Variants in PCSK5 observed in about 807,000 individuals in gnomAD.
The protein encoded by PCSK5 is prohormone convertase 5.
PCSK5 carries 129 observed loss-of-function variants against 233.2 expected under a neutral mutation model. The ratio of observed to expected loss-of-function variants is 0.55; its 90% CI spans 0.48 to 0.64. The LOEUF (loss-of-function observed/expected upper bound fraction) is 0.64. PCSK5 is among the 30% of genes least tolerant of loss of function. The pLI, the probability that PCSK5 is intolerant of heterozygous loss-of-function variation, is 0.00. For missense variants in PCSK5, 2,076 were observed against 2,430.1 expected, an observed-to-expected ratio of 0.85 and a Z score of 3.06; for synonymous variants, 825 against 879.2, an observed-to-expected ratio of 0.94 and a Z score of 1.09.
intron 9 of PCSK5, 22 bp downstream of exon 9, chr9:76,107,373 T>A (rs763981855): frequency 1.3e-6 from 2 of 1,509,778 alleles, no homozygotes; most frequent in Non-Finnish European, 1.8e-6. Flanking sequence ...TCTCTATATG[T>A]CTTCAATGGT....
rs1587511543 is a variant in PCSK5, at chr9:76,023,290, G to T, written c.412-448G>T. ...TGCTTTTCCCACATCTTTCCTTCCTGTCTTCCCTTGTTCATGCTGGAGATC... is the reference window on the plus strand; with the variant it reads ...TGCTTTTCCCACATCTTTCCTTCCTTTCTTCCCTTGTTCATGCTGGAGATC... On this transcript the variant is annotated intron_variant, in intron 3 of 37. Coordinates refer to ENST00000674117, the MANE Select transcript of PCSK5 (RefSeq NM_001372043.1). Among the ~76,000 whole-genome samples the T allele has an allele frequency of 2.0e-5, 3 of 152,078 alleles. No homozygotes were observed. In the South Asian group the frequency reaches 6.2e-4, roughly 32 times the overall value.
intron 2 of PCSK5, among the ~76,000 whole-genome samples, chr9:75,933,937 C>A (rs1823931468): frequency 6.6e-6 from 1 of 152,148 alleles, no homozygotes; most frequent in South Asian, 2.1e-4. Context: ...ATTTGAAAAA[C>A]CAAGTACTAG....
At chr9:76,133,136 G>T (rs1235839141) in intron 9 of PCSK5, among the ~76,000 whole-genome samples, 3 of 152,068 alleles carry the variant, frequency 2.0e-5, no homozygotes, top group African/African-American at 7.2e-5. Context: ...TGCAAATATT[G>T]TTGCTGAAGT....
intron 3 of PCSK5, among the ~76,000 whole-genome samples, chr9:75,998,165 A>G (rs1408111646): frequency 6.6e-6 from 1 of 152,150 alleles, no homozygotes; most frequent in Non-Finnish European, 1.5e-5. Flanking sequence ...CTTTTAGAGA[A>G]CTCATAGAAA....
At chr9:76,351,737 ATT>A (rs71372070) in intron 36 of PCSK5, among the ~76,000 whole-genome samples, 7 of 144,214 alleles carry the variant, frequency 4.9e-5, no homozygotes, top group African/African-American at 7.6e-5. Context: ...GAAACCATGA[ATT>A]TTTTTTTTTT....
At chr9:76,086,716 G>A (rs1382375064) in intron 7 of PCSK5, among the ~76,000 whole-genome samples, 1 of 152,108 alleles carries the variant, frequency 6.6e-6, no homozygotes, top group Non-Finnish European at 1.5e-5. Flanking sequence ...ACTAGTCAGG[G>A]GAAATCAGCA....
chr9:76,046,247 G>A (rs1213304870), intron 5 of PCSK5, among the ~76,000 whole-genome samples: 2 of 119,806 alleles, frequency 1.7e-5, no homozygotes, highest in South Asian at 5.6e-4. Context: ...GTGCAATCCC[G>A]GCTCACTGCA....
chr9:76,238,047 G>A (rs1445805851), intron 22 of PCSK5, among the ~76,000 whole-genome samples: 1 of 152,098 alleles, frequency 6.6e-6, no homozygotes, highest in Non-Finnish European at 1.5e-5. Context: ...CCTAGACCCC[G>A]GTTATTCTGA....
At chr9:76,179,952 G>A (rs893370072) in intron 15 of PCSK5, among the ~76,000 whole-genome samples, 9 of 150,562 alleles carry the variant, frequency 6.0e-5, no homozygotes, top group Non-Finnish European at 1.2e-4. Context: ...CTTCTCTCAC[G>A]TTTGGAGGAC....
chr9:76,269,076 C>T (rs1016257683), intron 24 of PCSK5, among the ~76,000 whole-genome samples: 1 of 152,188 alleles, frequency 6.6e-6, no homozygotes, highest in Non-Finnish European at 1.5e-5. Context: ...GGACTGAGGC[C>T]ACAGGGCATC....
At chr9:76,144,800 A>G (rs1823378112) in intron 10 of PCSK5, among the ~76,000 whole-genome samples, 2 of 152,216 alleles carry the variant, frequency 1.3e-5, no homozygotes, top group Admixed American at 6.5e-5. Flanking sequence ...CTTCATTGGC[A>G]AAATAACTCA....
At chr9:76,015,091 C>T (rs1827893418) in intron 3 of PCSK5, among the ~76,000 whole-genome samples, 1 of 152,108 alleles carries the variant, frequency 6.6e-6, no homozygotes, top group Admixed American at 6.5e-5. Context: ...CTAGTCCAAG[C>T]CCAGAAGGCT....
At position 76,016,035 on chromosome 9, in the gene PCSK5, T is replaced by G. The variant is rs1187143840; in HGVS notation, c.412-7703T>G. On this transcript the variant is annotated intron_variant, in intron 3 of 37. Transcript: ENST00000674117. ...CATCCCTGACTCGCCCTTTGGCTAG[T>G]CAGCTTGTATTAGGGGCTCAGTTTA... Among the ~76,000 whole-genome samples, 4 of 152,384 alleles carry G rather than the reference T, an allele frequency of 2.6e-5. No individual in the cohort carries two copies. In the East Asian group the frequency reaches 7.7e-4, roughly 29 times the overall value.
chr9:76,177,200 ACAAGAATCACTTGAACT>A (rs1307816025), intron 14 of PCSK5, among the ~76,000 whole-genome samples: 1 of 152,138 alleles, frequency 6.6e-6, no homozygotes, highest in Non-Finnish European at 1.5e-5. Context: ...AGGCTGAGGC[ACAAGAATCACTTGAACT>A]CAGGAGGCGG....
intron 14 of PCSK5, 174 bp downstream of exon 14, chr9:76,175,303 AAT>A: frequency 1.6e-6 from 1 of 610,706 alleles, no homozygotes; most frequent in South Asian, 2.0e-5. Flanking sequence ...AATAGAATAG[AAT>A]AGAATAGAAC....
At chr9:76,093,080 CTTT>C (rs71372045) in intron 7 of PCSK5, among the ~76,000 whole-genome samples, 3 of 85,704 alleles carry the variant, frequency 3.5e-5, no homozygotes, top group Non-Finnish European at 6.7e-5. Flanking sequence ...TTGTCTTTCC[CTTT>C]TTTTTTTTTT....
At chr9:76,185,010 A>G (rs1163302783) in intron 17 of PCSK5, among the ~76,000 whole-genome samples, 1 of 152,216 alleles carries the variant, frequency 6.6e-6, no homozygotes, top group African/African-American at 2.4e-5. Flanking sequence ...ATAAAACTCA[A>G]TAAAAATGGC....
chr9:75,922,876 T>C (rs1413086201), intron 1 of PCSK5, among the ~76,000 whole-genome samples: 5 of 152,220 alleles, frequency 3.3e-5, no homozygotes, highest in African/African-American at 1.2e-4. Flanking sequence ...AAGTGTTGCA[T>C]CTGTTTCTTA....
chr9:76,210,052 C>T (rs565320562), intron 20 of PCSK5, among the ~76,000 whole-genome samples: 11 of 152,146 alleles, frequency 7.2e-5, no homozygotes, highest in East Asian at 5.8e-4. Context: ...CTCTTGGAAA[C>T]GCCAGAGCAT....
Sources: allele counts gnomAD v4.1 joint callset (sites outside exome capture counted in the v4.1 genomes callset), GRCh38; gene constraint gnomAD v4.1.1; transcripts MANE v1.5; gene names NCBI Gene and HGNC (gene_info 2026-07-23, HGNC 2026-07-21).